TAF5L: variants seen among roughly 807,000 people sequenced by gnomAD.
TAF5L encodes TATA-box binding protein associated factor 5 like.
Under a neutral mutation model 51.3 loss-of-function variants are expected in TAF5L, and 7 were observed. That is an observed-to-expected ratio of 0.14 (90% confidence interval 0.08 to 0.26). The LOEUF is 0.26. Ranked by LOEUF, TAF5L falls within the 10% of genes least tolerant of loss-of-function variation. The pLI is 1.00. For synonymous variants in TAF5L, 291 were observed against 308.1 expected (o/e 0.94, Z 0.58); for missense variants, 575 against 758.9 (o/e 0.76, Z 2.85).
In TAF5L at chr1:229,625,448, C is replaced by T. The variant is rs1408815922; in HGVS notation, c.-4+437G>A. ...GATCACCATGTGCAAAGTTGAATCCCGACTTCGCCGCAAAGACATTTCCTT... is the reference window on the plus strand; with the variant it reads ...GATCACCATGTGCAAAGTTGAATCCTGACTTCGCCGCAAAGACATTTCCTT... On this transcript the variant is annotated intron_variant, in intron 1 of 4. Transcript: ENST00000258281. The surrounding 1 kb of genome is among the most constrained non-coding windows in gnomAD (Gnocchi z 4.0). Among the ~76,000 whole-genome samples, 1 of 152,170 alleles carries T rather than the reference C, an allele frequency of 6.6e-6. No homozygotes were observed. The highest frequency in any genetic ancestry group is 1.5e-5 in the Non-Finnish European group (1 of 68,026).
chr1:229,621,823 T>C lies in TAF5L; in HGVS notation c.-4+4062A>G, dbSNP rs148651389. On this transcript the variant is annotated intron_variant, in intron 1 of 4. Coordinates refer to ENST00000258281, the Ensembl canonical transcript of TAF5L. ...GAAATTCACTCCAACTGTTCATGAATATCTTAAACACCAGTGTCTGTGATG... is the reference window on the plus strand; with the variant it reads ...GAAATTCACTCCAACTGTTCATGAACATCTTAAACACCAGTGTCTGTGATG... Among the ~76,000 whole-genome samples, 449 of 152,328 alleles carry C rather than the reference T, an allele frequency of 2.9e-3. 3 individuals carry two copies. The highest frequency in any genetic ancestry group is 0.01 in the African/African-American group (431 of 41,584).
At chr1:229,619,850 T>C (rs1002481645) in intron 1 of TAF5L, among the ~76,000 whole-genome samples, 5 of 152,076 alleles carry the variant, frequency 3.3e-5, no homozygotes, top group African/African-American at 9.7e-5. Flanking sequence ...GCCCTCCCAT[T>C]ACTGTCTGCC....
intron 1 of TAF5L, among the ~76,000 whole-genome samples, chr1:229,619,810 C>CCTCCCACTGCAAGCCT (rs1457775293): frequency 2.6e-5 from 4 of 152,086 alleles, no homozygotes; most frequent in African/African-American, 9.7e-5. Flanking sequence ...TCTCTTGGTC[C>CCTCCCACTGCAAGCCT]CTCCCACTGC....
chr1:229,595,289 T>C (rs1247437526), intron 4 of TAF5L, among the ~76,000 whole-genome samples, 195 bp from the exon 5 acceptor site: 2 of 152,204 alleles, frequency 1.3e-5, no homozygotes, highest in African/African-American at 4.8e-5. Flanking sequence ...AATAAAAGTC[T>C]CTTACGACTT....
chr1:229,601,443 T>C, intron 4 of TAF5L: 2 of 985,340 alleles, frequency 2.0e-6, no homozygotes, highest in Non-Finnish European at 2.4e-6. Context: ...TGCTGTGAAG[T>C]TTAATTTCTA....
chr1:229,615,289 G>T (rs910964976), intron 1 of TAF5L, among the ~76,000 whole-genome samples: 2 of 152,126 alleles, frequency 1.3e-5, no homozygotes, highest in South Asian at 4.2e-4. Flanking sequence ...GGGTTTCACC[G>T]TGTTAGCCAG....
At chr1:229,623,793 G>A (rs1558157054) in intron 1 of TAF5L, among the ~76,000 whole-genome samples, 1 of 152,204 alleles carries the variant, frequency 6.6e-6, no homozygotes, top group Admixed American at 6.5e-5. Context: ...AAGCTGAGGC[G>A]CAAAGAAGTT....
chr1:229,613,214 C>T (rs544484812), intron 2 of TAF5L, among the ~76,000 whole-genome samples: 2 of 150,340 alleles, frequency 1.3e-5, no homozygotes, highest in East Asian at 3.9e-4. Context: ...GACTGTGGTC[C>T]AAGCTACTTG....
intron 1 of TAF5L, among the ~76,000 whole-genome samples, chr1:229,615,958 T>C (rs1664986137): frequency 6.6e-6 from 1 of 152,180 alleles, no homozygotes; most frequent in South Asian, 2.1e-4. Flanking sequence ...TGTTTTAAGT[T>C]CTCAGTTTCA....
rs141223304 is a variant in TAF5L, at chr1:229,608,128, T to A, written c.247+1978A>T. On this transcript the variant is annotated intron_variant, in intron 3 of 4. Transcript: ENST00000258281. ...ATAAACCAAAATAATACACCTGGCC[T>A]TACACACGCATAGAATTATCCTAGT... is the stretch of plus-strand genomic sequence containing the variant. Among the ~76,000 whole-genome samples the A allele has an allele frequency of 2.2e-3, 339 of 152,330 alleles. 4 individuals are homozygous for A. Among genetic ancestry groups the A allele is most frequent in the African/African-American group, 8.0e-3 (332 of 41,570 alleles).
At chr1:229,593,976 C>A (rs1664016117) in exon 5 of TAF5L, 1 of 269,384 alleles carries the variant, frequency 3.7e-6, no homozygotes, top group Non-Finnish European at 7.2e-6. Context: ...CAAACCTAGC[C>A]CCAGTCAGAT....
intron 3 of TAF5L, among the ~76,000 whole-genome samples, chr1:229,605,764 T>G (rs1571840173): frequency 1.3e-5 from 2 of 152,216 alleles, no homozygotes; most frequent in East Asian, 3.8e-4. Context: ...TAGAAGGAAT[T>G]CTGCCAGCAG....
At chr1:229,606,863 C>T in intron 3 of TAF5L, 1 of 985,444 alleles carries the variant, frequency 1.0e-6, no homozygotes, top group African/African-American at 1.7e-5. Context: ...CAGAATCTCT[C>T]ATCTACAGAC....
chr1:229,608,780 T>G (rs1664688080), intron 3 of TAF5L, among the ~76,000 whole-genome samples: 1 of 152,130 alleles, frequency 6.6e-6, no homozygotes, highest in Non-Finnish European at 1.5e-5. Flanking sequence ...ATGGGAGGAC[T>G]GCTTGAGGCC....
At chr1:229,615,362 C>T (rs3753889) in intron 1 of TAF5L, among the ~76,000 whole-genome samples, 30,291 of 151,232 alleles carry the variant, frequency 0.2, 3,170 homozygotes, top group Middle Eastern at 0.28. Flanking sequence ...GCTGGGATTA[C>T]AGGCGTGAGC....
At chr1:229,595,184 G>A in intron 4 of TAF5L, 90 bp from the exon 5 acceptor site, 2 of 1,357,408 alleles carry the variant, frequency 1.5e-6, no homozygotes, top group Non-Finnish European at 2.0e-6. Context: ...AGAAAAAAAA[G>A]TAGAGAACTG....
chr1:229,622,098 T>C (rs895029676), intron 1 of TAF5L, among the ~76,000 whole-genome samples: 5 of 152,176 alleles, frequency 3.3e-5, no homozygotes, highest in Non-Finnish European at 7.3e-5. Context: ...TATACAGATA[T>C]GTGTGTGTAT....
At chr1:229,618,328 T>TA (rs1485884473) in intron 1 of TAF5L, among the ~76,000 whole-genome samples, 1 of 152,240 alleles carries the variant, frequency 6.6e-6, no homozygotes, top group African/African-American at 2.4e-5. Context: ...ATAAAATACT[T>TA]AACTTTCAGA....
rs1231714167 is a variant in TAF5L at position 229,625,675 on chromosome 1, G to A, written c.-4+210C>T. ...CGCCGCCGGCCGCAGCCCGGGACTC[G>A]GGAGGCCGAGGGCGGAGGCGCGGCC... is the stretch of plus-strand genomic sequence containing the variant. On this transcript the variant is annotated intron_variant, in intron 1 of 4. Coordinates refer to ENST00000258281, the Ensembl canonical transcript of TAF5L. The surrounding 1 kb of genome is among the most constrained non-coding windows in gnomAD (Gnocchi z 4.0). Among the ~76,000 whole-genome samples the A allele has an allele frequency of 6.7e-6, 1 of 148,990 alleles. No individual in the cohort carries two copies. Among genetic ancestry groups the A allele is most frequent in the Non-Finnish European group, 1.5e-5 (1 of 67,040 alleles).
Sources: gnomAD v4.1 joint callset for allele counts (sites outside exome capture counted in the v4.1 genomes callset) on GRCh38, gnomAD v4.1.1 for gene constraint, Gnocchi (gnomAD v3.1) non-coding constraint, MANE v1.5 for transcripts, NCBI Gene and HGNC (gene_info 2026-07-23, HGNC 2026-07-21) for gene names.